Variants in COL9A3 observed in about 807,000 individuals in gnomAD.
COL9A3 encodes the protein collagen type IX alpha 3 chain.
COL9A3 carries 82 observed loss-of-function variants against 110.2 expected under a neutral mutation model. The observed-to-expected ratio is 0.74, with a 90% CI of 0.62 to 0.89. The LOEUF (loss-of-function observed/expected upper bound fraction) is 0.89. Ranked by LOEUF, COL9A3 falls within the 40% of genes least tolerant of loss-of-function variation. The pLI is 0.00. For missense variants in COL9A3, 1,066 were observed against 981.3 expected (o/e 1.09, Z -1.15); for synonymous variants, 494 against 403.8 (o/e 1.22, Z -2.68).
chr20:62,828,603 T>C (rs1361063971), intron 17 of COL9A3, among the ~76,000 whole-genome samples, 161 bp from the exon 18 acceptor site: 1 of 152,220 alleles, frequency 6.6e-6, no homozygotes, highest in Non-Finnish European at 1.5e-5. Flanking sequence ...GCAGCACTGG[T>C]TGCCACACGG....
At chr20:62,817,919 T>G in intron 2 of COL9A3, 2 of 531,140 alleles carry the variant, frequency 3.8e-6, no homozygotes, top group Non-Finnish European at 7.2e-6. Flanking sequence ...TGTTCGGGGT[T>G]CTGGCCTCTG....
At chr20:62,824,300 G>A (rs569974863) in intron 10 of COL9A3, 145 bp from the exon 11 acceptor site, 2 of 806,244 alleles carry the variant, frequency 2.5e-6, no homozygotes, top group East Asian at 5.4e-5. Context: ...GTGGCCTCCT[G>A]GGGTCCTGTC....
At position 62,837,272 on chromosome 20, in the gene COL9A3, G is replaced by C; in HGVS notation, c.1786+7G>C. ...GGAGACCCCGGGCCCAGAGGTGAGT[G>C]TTTGACCCCATGACACGGTCACCCT... On this transcript the variant is annotated splice_region_variant and intron_variant, in intron 30 of 31. Transcript: ENST00000649368. 6.2e-7 allele frequency: 1 copy of C among 1,608,494 alleles called. No homozygotes were observed. The highest frequency in any genetic ancestry group is 8.5e-7 in the Non-Finnish European group (1 of 1,179,696).
chr20:62,837,151 C>A lies in COL9A3; in HGVS notation c.1672C>A (p.Pro558Thr). ...LAPGSIGRPG[P>T]AGPPGPPGPP... is the part of the protein sequence containing the mutation. ...ACCCGGGTCCATTGGTCGGCCCGGT[C>A]CAGCTGGCCCCCCTGGGCCCCCAGG... Residue 558 changes from proline (P) to threonine (T), a missense_variant, in exon 30 of 32, where the codon CCA becomes ACA. Physicochemically the swap from Pro to Thr is conservative, Grantham distance 38. Transcript: ENST00000649368. The A allele has an allele frequency of 6.2e-7, 1 of 1,613,258 alleles. No individual in the cohort carries two copies. Among genetic ancestry groups the A allele is most frequent in the South Asian group, 1.1e-5 (1 of 91,078 alleles).
At chr20:62,819,789 A>G in intron 4 of COL9A3, 140 bp from the exon 5 acceptor site, 1 of 926,626 alleles carries the variant, frequency 1.1e-6, no homozygotes, top group Non-Finnish European at 1.7e-6. Context: ...GGACAGGGCC[A>G]AGAGAGGAGG....
intron 17 of COL9A3, 61 bp from the exon 18 acceptor site, chr20:62,828,703 G>A: frequency 1.9e-6 from 3 of 1,583,684 alleles, no homozygotes; most frequent in Non-Finnish European, 2.6e-6. Context: ...CCCAGGGCAG[G>A]ACTGTAGAGG....
rs368800943 is a variant in COL9A3, at chr20:62,818,455, C to T, written c.148-63C>T. 4.4e-5 allele frequency: 66 copies of T among 1,509,420 alleles called. No individual in the cohort carries two copies. The African/African-American group carries it at 4.8e-4, about 11-fold the overall frequency. The allele number at this position is 1,509,420 out of a possible 1,614,324, so 93.5% of individuals were successfully genotyped here. ...TGGAGGCCAGCGCTGCTCTTTTCCC[C>T]GAGGCGGGGTTCTTGAGGGACCCCT... On this transcript the variant is annotated intron_variant, in intron 2 of 31. Coordinates refer to ENST00000649368, the MANE Select transcript of COL9A3 (RefSeq NM_001853.4).
At chr20:62,838,490 TAA>T (rs2063651987) in intron 30 of COL9A3, among the ~76,000 whole-genome samples, 192 bp from the exon 31 acceptor site, 1 of 152,256 alleles carries the variant, frequency 6.6e-6, no homozygotes, top group Non-Finnish European at 1.5e-5. Flanking sequence ...TCCTGCAGTC[TAA>T]GACTGTGTAC....
At chr20:62,818,658 G>A (rs1479604238) in intron 3 of COL9A3, 105 bp downstream of exon 3, 17 of 1,298,532 alleles carry the variant, frequency 1.3e-5, no homozygotes, top group South Asian at 5.9e-5. Flanking sequence ...GCCGGAGCCC[G>A]GGTTGCCTGA....
intron 14 of COL9A3, 126 bp from the exon 15 acceptor site, chr20:62,826,640 TG>T (rs1014415058): frequency 3.0e-6 from 3 of 995,854 alleles, no homozygotes; most frequent in East Asian, 2.6e-5. Flanking sequence ...GGTGGCATCT[TG>T]GGGGAACTTG....
Position 62,833,010 on chromosome 20 carries a change from T to C in COL9A3, c.1324-10T>C, listed in dbSNP as rs755407420. ...ACAGCTCTTTTAACTTTGGGGTGTA[T>C]CGTTTTCAGGGTATTGCAGGTTCCG... On this transcript the variant is annotated splice_polypyrimidine_tract_variant and intron_variant, in intron 25 of 31. Transcript: ENST00000649368. 2.2e-5 allele frequency: 36 copies of C among 1,613,488 alleles called. No homozygotes were observed. Among genetic ancestry groups the C allele is most frequent in the Non-Finnish European group, 3.1e-5 (36 of 1,179,620 alleles).
chr20:62,832,328 G>T, intron 25 of COL9A3, 139 bp downstream of exon 25: 3 of 608,410 alleles, frequency 4.9e-6, no homozygotes, highest in Non-Finnish European at 8.0e-6. Flanking sequence ...GTGTCTGTCA[G>T]TCGCCCTTTC....
chr20:62,824,645 C>T (rs2063536267), intron 11 of COL9A3, 144 bp downstream of exon 11: 1 of 877,992 alleles, frequency 1.1e-6, no homozygotes, highest in Non-Finnish European at 1.8e-6. Flanking sequence ...AGGCCAGCCT[C>T]CTTGTCCCGC....
In COL9A3 at chr20:62,817,119, C is replaced by T. The variant is rs1221805453; in HGVS notation, c.55C>T (p.Leu19Phe). The change falls in exon 1 of 32, where the codon CTT (leucine) becomes TTT (phenylalanine). Residue 19 changes from leucine (L) to phenylalanine (F), a missense_variant. Coordinates refer to ENST00000649368, the MANE Select transcript of COL9A3 (RefSeq NM_001853.4). The stretch of plus-strand genomic sequence containing the variant: ...CCTGCTCCTGCTCCTGCTCGGGGAG[C>T]TTCTGGCGGCCGCCGGGGCGCAGGT... ...PLLLLLLLGE[L>F]LAAAGAQRVG... 7.1e-7 allele frequency: 1 copy of T among 1,400,040 alleles called. No individual in the cohort carries two copies. Among genetic ancestry groups the T allele is most frequent in the Non-Finnish European group, 9.3e-7 (1 of 1,071,576 alleles). 86.7% of individuals were successfully genotyped at this position (1,400,040 alleles called of 1,614,324 possible). A position where few individuals can be genotyped will look rare whatever the true frequency, so the allele number is the denominator to read the frequency against.
At chr20:62,836,434 A>C in intron 28 of COL9A3, 44 bp from the exon 29 acceptor site, 1 of 1,613,614 alleles carries the variant, frequency 6.2e-7, no homozygotes, top group Non-Finnish European at 8.5e-7. Flanking sequence ...TGCCTCACCG[A>C]GGCTGCCGCC....
At chr20:62,836,686 C>A in intron 29 of COL9A3, 154 bp downstream of exon 29, 1 of 815,458 alleles carries the variant, frequency 1.2e-6, no homozygotes, top group Non-Finnish European at 1.9e-6. Flanking sequence ...GGTCCACGTC[C>A]GCCTTGGCGT....
Position 62,829,762 on chromosome 20 carries a change from G to A in COL9A3, c.1108-4G>A. The A allele has an allele frequency of 3.8e-6, 6 of 1,591,000 alleles. No homozygotes were observed. Among genetic ancestry groups the A allele is most frequent in the Non-Finnish European group, 5.1e-6 (6 of 1,169,190 alleles). ...CCCTGACACCCTCCTTCCTTTCCCT[G>A]TAGGGAGATGCTGGCATGCCTGGGG... On this transcript the variant is annotated splice_polypyrimidine_tract_variant and splice_region_variant and intron_variant, in intron 21 of 31. Coordinates refer to ENST00000649368, the MANE Select transcript of COL9A3 (RefSeq NM_001853.4).
At chr20:62,830,619 T>G in intron 24 of COL9A3, 31 bp downstream of exon 24, 6 of 1,482,128 alleles carry the variant, frequency 4.0e-6, no homozygotes, top group East Asian at 4.9e-5. Flanking sequence ...GAAGCTCCCC[T>G]GCACCCCCTC....
In COL9A3 at chr20:62,827,275, G is replaced by A. The variant is rs761668571; in HGVS notation, c.827G>A (p.Arg276His). 23 of 1,613,102 alleles carry A rather than the reference G, an allele frequency of 1.4e-5. No individual in the cohort carries two copies. The highest frequency in any genetic ancestry group is 1.7e-5 in the Non-Finnish European group (20 of 1,179,972). Residue 276 changes from arginine to histidine, a missense_variant, in exon 16 of 32, where the codon CGC becomes CAC. Physicochemically the swap from Arg to His is conservative, Grantham distance 29 (BLOSUM62 0). Coordinates refer to ENST00000649368, the MANE Select transcript of COL9A3 (RefSeq NM_001853.4). ...GGCGAGAGGGGCCCAGAAGGGTTCC[G>A]CGGCCCCAAGGGTGACCTCGTAAGT... ...DRGERGPEGF[R>H]GPKGDLGRPG...
Sources: allele counts gnomAD v4.1 joint callset (sites outside exome capture counted in the v4.1 genomes callset), GRCh38; gene constraint gnomAD v4.1.1; transcripts MANE v1.5; gene names NCBI Gene and HGNC (gene_info 2026-07-23, HGNC 2026-07-21).